ZC3H3: variants seen among roughly 807,000 people sequenced by gnomAD.
ZC3H3 encodes the protein zinc finger CCCH-type containing 3.
A neutral mutation model predicts 77.3 loss-of-function variants in ZC3H3; 36 were observed. The observed-to-expected ratio is 0.47, with a 90% CI of 0.36 to 0.61. The LOEUF (loss-of-function observed/expected upper bound fraction) is 0.61. Among genes scored for constraint, ZC3H3 ranks in the 20% least tolerant of loss-of-function variants. The pLI, the probability that ZC3H3 is intolerant of heterozygous loss-of-function variation, is 0.00. For missense variants in ZC3H3, 1,331 were observed against 1,312.2 expected, an observed-to-expected ratio of 1.01 and a Z score of -0.22; for synonymous variants, 626 against 555.2, an observed-to-expected ratio of 1.13 and a Z score of -1.79.
At chr8:143,526,120 A>C (rs896072958) in intron 3 of ZC3H3, among the ~76,000 whole-genome samples, 1 of 152,238 alleles carries the variant, frequency 6.6e-6, no homozygotes, top group Non-Finnish European at 1.5e-5. Flanking sequence ...CAGTGGGGCC[A>C]CAGAGGGCAC....
chr8:143,496,538 G>T (rs1258569412), intron 4 of ZC3H3, among the ~76,000 whole-genome samples: 1 of 152,006 alleles, frequency 6.6e-6, no homozygotes, highest in Non-Finnish European at 1.5e-5. Context: ...ATCAAGTGGA[G>T]TAAGACTCCT....
rs1340192402 is a variant in ZC3H3, at chr8:143,494,503, C to T, written c.1715+13243G>A. Among the ~76,000 whole-genome samples the T allele has an allele frequency of 6.6e-6, 1 of 152,204 alleles. No individual in the cohort carries two copies. Among genetic ancestry groups the T allele is most frequent in the Non-Finnish European group, 1.5e-5 (1 of 68,028 alleles). On this transcript the variant is annotated intron_variant, in intron 4 of 11. Transcript: ENST00000262577. This position sits in a 1 kb window ranked among gnomAD's most constrained non-coding sequence, Gnocchi z 5.3. ...GTGCAGGAGCCTGTGGCCACCCCTG[C>T]CAACAGGCCCACACAAGGCCCGGGC...
chr8:143,481,359 G>A lies in ZC3H3; in HGVS notation c.1716-5774C>T, dbSNP rs139370888. ...TCAGCATCCTTCCCTCCCCGCCACC[G>A]AAGTTCCCATGCCAGCCTCGGTGAC... is the stretch of plus-strand genomic sequence containing the variant. On this transcript the variant is annotated intron_variant, in intron 4 of 11. Coordinates refer to ENST00000262577, the MANE Select transcript of ZC3H3 (RefSeq NM_015117.3). Among the ~76,000 whole-genome samples, 339 of 152,272 alleles carry A rather than the reference G, an allele frequency of 2.2e-3. 2 individuals are homozygous for A. Among genetic ancestry groups the A allele is most frequent in the African/African-American group, 7.8e-3 (322 of 41,548 alleles).
At chr8:143,529,468 G>A (rs143000864) in intron 3 of ZC3H3, among the ~76,000 whole-genome samples, 2 of 152,322 alleles carry the variant, frequency 1.3e-5, no homozygotes, top group Non-Finnish European at 2.9e-5. Flanking sequence ...TGCACAGGGA[G>A]GACCCAAGGA....
intron 3 of ZC3H3, among the ~76,000 whole-genome samples, chr8:143,512,195 C>T (rs556731261): frequency 2.6e-5 from 4 of 152,370 alleles, no homozygotes; most frequent in Middle Eastern, 3.4e-3. Context: ...GCCACTGCAG[C>T]GCTGCCCAGG....
At chr8:143,438,920 AG>A (rs1819653409) in intron 11 of ZC3H3, among the ~76,000 whole-genome samples, 1 of 152,156 alleles carries the variant, frequency 6.6e-6, no homozygotes, top group African/African-American at 2.4e-5. Flanking sequence ...TGGCCGCTCC[AG>A]CAGCAGCTCC....
Position 143,538,771 on chromosome 8 carries a change from G to C in ZC3H3, c.596C>G (p.Pro199Arg), listed in dbSNP as rs762884784. The C allele has an allele frequency of 1.2e-6, 2 of 1,611,908 alleles. No individual in the cohort carries two copies. The highest frequency in any genetic ancestry group is 1.7e-6 in the Non-Finnish European group (2 of 1,179,856). The stretch of plus-strand genomic sequence containing the variant: ...ACTGCCCACTGACTTCACCATCCTG[G>C]GCTTACCAGGCTCCTTCTGGCAGAC... The part of the protein sequence containing the change: ...LLVCQKEPGK[P>R]RMVKSVGSVG... The change falls in exon 2 of 12, where the codon CCC (proline) becomes CGC (arginine). Residue 199 changes from proline to arginine, a missense_variant. Coordinates refer to ENST00000262577, the MANE Select transcript of ZC3H3 (RefSeq NM_015117.3).
chr8:143,533,679 G>A lies in ZC3H3; in HGVS notation c.1561+2578C>T, dbSNP rs963651625. Among the ~76,000 whole-genome samples, 4 of 147,116 alleles carry A rather than the reference G, an allele frequency of 2.7e-5. No homozygotes were observed. Among genetic ancestry groups the A allele is most frequent in the East Asian group, 3.9e-4 (2 of 5,066 alleles). On this transcript the variant is annotated intron_variant, in intron 3 of 11. Transcript: ENST00000262577. This position sits in a 1 kb window ranked among gnomAD's most constrained non-coding sequence, Gnocchi z 4.0. The stretch of plus-strand genomic sequence containing the variant: ...TCCTCTCACTCCATGCAGCCGCCAC[G>A]CTGGTCTTTTTTTTTTTTTTTTTTT...
At chr8:143,492,103 GA>G (rs1821222038) in intron 4 of ZC3H3, among the ~76,000 whole-genome samples, 1 of 152,222 alleles carries the variant, frequency 6.6e-6, no homozygotes, top group Non-Finnish European at 1.5e-5. Flanking sequence ...ATGGAGAGGA[GA>G]AACAAGAAGG....
intron 4 of ZC3H3, among the ~76,000 whole-genome samples, chr8:143,492,582 C>T (rs921489247): frequency 2.6e-5 from 4 of 152,212 alleles, no homozygotes; most frequent in African/African-American, 4.8e-5. Flanking sequence ...GGACTGATGC[C>T]GGAGGGGCCC....
intron 9 of ZC3H3, among the ~76,000 whole-genome samples, chr8:143,453,907 G>A (rs1448443033): frequency 2.0e-5 from 3 of 152,164 alleles, no homozygotes; most frequent in African/African-American, 2.4e-5. Context: ...ACCAGCAGAC[G>A]TGGATCAGTC....
In ZC3H3 at chr8:143,460,105, G is replaced by C. The variant is rs953679642; in HGVS notation, c.2307+5612C>G. 1.3e-5 allele frequency among the ~76,000 whole-genome samples: 2 copies of C among 151,998 alleles called. No homozygotes were observed. The highest frequency in any genetic ancestry group is 2.4e-5 in the African/African-American group (1 of 41,408). ...TACTAAAAACACAAAAATTAGCTGG[G>C]TTTGGTGGCACATGCACCTGTAGTC... On this transcript the variant is annotated intron_variant, in intron 9 of 11. Transcript: ENST00000262577. This position sits in a 1 kb window ranked among gnomAD's most constrained non-coding sequence, Gnocchi z 4.0.
chr8:143,502,563 G>A (rs1489859425), intron 4 of ZC3H3, among the ~76,000 whole-genome samples: 13 of 152,216 alleles, frequency 8.5e-5, no homozygotes. Context: ...CTCGTGACAG[G>A]ACCATTTGTA....
intron 4 of ZC3H3, among the ~76,000 whole-genome samples, chr8:143,495,270 C>T (rs1283418827): frequency 1.3e-5 from 2 of 152,236 alleles, no homozygotes; most frequent in African/African-American, 4.8e-5. Flanking sequence ...GAGCCTGAAT[C>T]AGATGCCAAG....
At chr8:143,536,193 C>A in intron 3 of ZC3H3, 64 bp downstream of exon 3, 1 of 1,532,932 alleles carries the variant, frequency 6.5e-7, no homozygotes, top group Non-Finnish European at 8.8e-7. Flanking sequence ...TGGCTCCTAA[C>A]ACGCCAGCAT....
At chr8:143,535,393 C>A (rs1291872580) in intron 3 of ZC3H3, among the ~76,000 whole-genome samples, 1 of 152,184 alleles carries the variant, frequency 6.6e-6, no homozygotes, top group Non-Finnish European at 1.5e-5. Flanking sequence ...TCCAAGCCTG[C>A]TCAATCCCCA....
chr8:143,520,482 C>T (rs961236490), intron 3 of ZC3H3, among the ~76,000 whole-genome samples: 4 of 152,210 alleles, frequency 2.6e-5, no homozygotes, highest in African/African-American at 4.8e-5. Context: ...CCCAGGCCCA[C>T]GCAGTGGGAA....
rs753979402 is a variant in ZC3H3 at position 143,494,525 on chromosome 8, G to A, written c.1715+13221C>T. On this transcript the variant is annotated intron_variant, in intron 4 of 11. Coordinates refer to ENST00000262577, the MANE Select transcript of ZC3H3 (RefSeq NM_015117.3). The surrounding 1 kb of genome is among the most constrained non-coding windows in gnomAD (Gnocchi z 5.3). ...CTGCCAACAGGCCCACACAAGGCCC[G>A]GGCAGGTCAGGGCCTCAGAGCACAG... 1.3e-5 allele frequency among the ~76,000 whole-genome samples: 2 copies of A among 152,186 alleles called. No homozygotes were observed. Among genetic ancestry groups the A allele is most frequent in the Non-Finnish European group, 2.9e-5 (2 of 68,026 alleles).
intron 9 of ZC3H3, among the ~76,000 whole-genome samples, chr8:143,449,412 T>C (rs1442584559): frequency 5.3e-5 from 8 of 152,160 alleles, no homozygotes; most frequent in Non-Finnish European, 1.0e-4. Context: ...CCTTGAACAC[T>C]TTGCTGCTTA....
Sources: gnomAD v4.1 joint callset for allele counts (sites outside exome capture counted in the v4.1 genomes callset) on GRCh38, gnomAD v4.1.1 for gene constraint, Gnocchi (gnomAD v3.1) non-coding constraint, MANE v1.5 for transcripts, NCBI Gene and HGNC (gene_info 2026-07-23, HGNC 2026-07-21) for gene names.